ATXN1L: variants seen among roughly 807,000 people sequenced by gnomAD.
The protein encoded by ATXN1L is ataxin-1-like.
In ATXN1L, 8 loss-of-function variants were observed where a neutral mutation model predicts 43.4. The observed-to-expected ratio is 0.18, with a 90% CI of 0.11 to 0.33. ATXN1L has a LOEUF of 0.33. Ranked by LOEUF, ATXN1L falls within the 10% of genes least tolerant of loss-of-function variation. The pLI is 1.00. For synonymous variants in ATXN1L, 379 were observed against 360.6 expected, an observed-to-expected ratio of 1.05 and a Z score of -0.58; for missense variants, 856 against 885.4, an observed-to-expected ratio of 0.97 and a Z score of 0.42.
chr16:71,851,424 C>G lies in ATXN1L; in HGVS notation c.1684C>G (p.Gln562Glu), dbSNP rs1371196449. Residue 562 changes from glutamine (Q) to glutamate (E), a missense_variant, in exon 3 of 3, where the codon CAA (glutamine) becomes GAA (glutamate). Around this residue, in one of 7 missense-constraint regions of ATXN1L, gnomAD observed 185 missense variants for 176.8 expected, o/e 1.05. Coordinates refer to ENST00000427980, the MANE Select transcript of ATXN1L (RefSeq NM_001137675.4). This position sits in a 1 kb window ranked among gnomAD's most constrained non-coding sequence, Gnocchi z 4.9. Reference sequence around the variant, plus strand: ...CTCTTGCAGCCCTGGGCGGACGACACAACTCTTCTCTCTGCCCTGCCATCG... The same window carrying G: ...CTCTTGCAGCCCTGGGCGGACGACAGAACTCTTCTCTCTGCCCTGCCATCG... ...WSSCSPGRTT[Q>E]LFSLPCHRLQ... The G allele has an allele frequency of 3.2e-6, 5 of 1,551,616 alleles. No homozygotes were observed. In the South Asian group the frequency reaches 4.8e-5, roughly 15 times the overall value.
chr16:71,850,113 C>T lies in ATXN1L; in HGVS notation c.373C>T (p.Pro125Ser). Residue 125 changes from proline (P) to serine (S), a missense_variant, in exon 3 of 3, where the codon CCT becomes TCT. Pro to Ser is a moderately conservative substitution (Grantham distance 74, BLOSUM62 -1). Transcript: ENST00000427980. ...AATTCAACATCCAGGCATCCACTAT[C>T]CTCCACTCCACTATGCTCAGCTCCC... Reference protein sequence around the residue: ...SLIQHPGIHYPPLHYAQLPST... With the variant: ...SLIQHPGIHYSPLHYAQLPST... 1.1e-5 allele frequency: 17 copies of T among 1,551,750 alleles called. No individual in the cohort carries two copies. The highest frequency in any genetic ancestry group is 1.5e-5 in the Non-Finnish European group (17 of 1,147,010).
chr16:71,853,046 A>G lies in ATXN1L; in HGVS notation c.*1236A>G, dbSNP rs895905506. ...AATGCGTGGCTGGGCAGTGCCCATCATGGCATTTTCACATGTCCCATATGC... is the reference window on the plus strand; with the variant it reads ...AATGCGTGGCTGGGCAGTGCCCATCGTGGCATTTTCACATGTCCCATATGC... On this transcript the variant is annotated 3_prime_UTR_variant, in exon 3 of 3. Coordinates refer to ENST00000427980, the MANE Select transcript of ATXN1L (RefSeq NM_001137675.4). 1 of 167,158 alleles carries G rather than the reference A, an allele frequency of 6.0e-6. No individual in the cohort carries two copies. The highest frequency in any genetic ancestry group is 2.4e-5 in the African/African-American group (1 of 41,458). The allele number at this position is 167,158 out of a possible 1,614,324, so 10.4% of individuals were successfully genotyped here.
chr16:71,847,862 C>T (rs1228696261), intron 1 of ATXN1L, 148 bp from the exon 2 acceptor site: 2 of 231,792 alleles, frequency 8.6e-6, no homozygotes, highest in Admixed American at 5.6e-5. Context: ...TGCCTGGGCA[C>T]TCTGGGTAAA....
Position 71,856,781 on chromosome 16 carries a change from G to A in ATXN1L, c.*4971G>A, listed in dbSNP as rs553670179. Reference sequence around the variant, plus strand: ...CACCTTAGGCGAGGGAAGAATATACGGATAGGGAATGGGGTGGAGAAAGGA... The same window carrying A: ...CACCTTAGGCGAGGGAAGAATATACAGATAGGGAATGGGGTGGAGAAAGGA... On this transcript the variant is annotated 3_prime_UTR_variant, in exon 3 of 3. Transcript: ENST00000427980. The A allele has an allele frequency of 1.2e-5, 2 of 167,252 alleles. No individual in the cohort carries two copies. Among genetic ancestry groups the A allele is most frequent in the African/African-American group, 2.4e-5 (1 of 41,546 alleles). The allele number at this position is 167,252 out of a possible 1,614,324, so 10.4% of individuals were successfully genotyped here. A position where few individuals can be genotyped will look rare whatever the true frequency, so the allele number is the denominator to read the frequency against.
At chr16:71,847,608 C>G (rs948173380) in intron 1 of ATXN1L, among the ~76,000 whole-genome samples, 1 of 151,978 alleles carries the variant, frequency 6.6e-6, no homozygotes, top group African/African-American at 2.4e-5. Context: ...AAGGGGAAAT[C>G]CATAGAGTTG....
At position 71,850,732 on chromosome 16, in the gene ATXN1L, C is replaced by T. The variant is rs775797893; in HGVS notation, c.992C>T (p.Pro331Leu). 27 of 1,551,576 alleles carry T rather than the reference C, an allele frequency of 1.7e-5. No individual in the cohort carries two copies. Among genetic ancestry groups the T allele is most frequent in the South Asian group, 9.5e-5 (8 of 84,068 alleles). ...GCAGCACCAGCACACCGGGGGACCCCGGACACTGACCTTGAGGTCCAGCGG... is the reference window on the plus strand; with the variant it reads ...GCAGCACCAGCACACCGGGGGACCCTGGACACTGACCTTGAGGTCCAGCGG... ...EVAAPAHRGT[P>L]DTDLEVQRVV... is the part of the protein sequence containing the mutation. Residue 331 changes from proline (P) to leucine (L), a missense_variant, in exon 3 of 3, where the codon CCG (proline) becomes CTG (leucine). By Grantham distance (98) the Pro-to-Leu change is moderately conservative. Coordinates refer to ENST00000427980, the MANE Select transcript of ATXN1L (RefSeq NM_001137675.4).
intron 1 of ATXN1L, among the ~76,000 whole-genome samples, chr16:71,846,971 T>C (rs1196497661): frequency 6.6e-6 from 1 of 152,216 alleles, no homozygotes; most frequent in East Asian, 1.9e-4. Flanking sequence ...GAAAGCAAGC[T>C]GCTTTTCAGT....
At position 71,850,981 on chromosome 16, in the gene ATXN1L, T is replaced by C. The variant is rs576720943; in HGVS notation, c.1241T>C (p.Val414Ala). The C allele has an allele frequency of 2.8e-5, 44 of 1,551,666 alleles. No individual in the cohort carries two copies. The East Asian group carries it at 9.5e-4, about 34-fold the overall frequency. The change falls in exon 3 of 3, where the codon GTT becomes GCT. Residue 414 changes from valine to alanine, a missense_variant. Val to Ala is a moderately conservative substitution (Grantham distance 64). Transcript: ENST00000427980. ...CATAGACCTTTACCCAAAGCAATGGTTGTAGCCAATGGCAACCTGGTGCCC... is the reference window on the plus strand; with the variant it reads ...CATAGACCTTTACCCAAAGCAATGGCTGTAGCCAATGGCAACCTGGTGCCC... The part of the protein sequence containing the change: ...VKHRPLPKAM[V>A]VANGNLVPTG...
In ATXN1L at chr16:71,850,920, G is replaced by A; in HGVS notation, c.1180G>A (p.Gly394Arg). 1.3e-6 allele frequency: 2 copies of A among 1,551,632 alleles called. No homozygotes were observed. Among genetic ancestry groups the A allele is most frequent in the South Asian group, 1.2e-5 (1 of 84,050 alleles). ...GCTGGCAGAGAAAAGTCAGGCCCGT[G>A]GGTTCTACCCTCAGTCCCATCAGGA... ...AELAEKSQAR[G>R]FYPQSHQEPV... is the part of the protein sequence containing the mutation. The change falls in exon 3 of 3, where the codon GGG (glycine) becomes AGG (arginine). Residue 394 changes from glycine to arginine, a missense_variant. By Grantham distance (125) the Gly-to-Arg change is moderately radical. This residue lies in a region of ATXN1L where 490 missense variants were observed against 449.4 expected (regional missense o/e 1.09). Coordinates refer to ENST00000427980, the MANE Select transcript of ATXN1L (RefSeq NM_001137675.4).
rs1184983751 is a variant in ATXN1L, at chr16:71,851,265, A to G, written c.1525A>G (p.Thr509Ala). The change falls in exon 3 of 3, where the codon ACG becomes GCG. Residue 509 changes from threonine (T) to alanine (A), a missense_variant. Thr to Ala is a moderately conservative substitution (Grantham distance 58). This residue lies in a region of ATXN1L where 54 missense variants were observed against 56.6 expected (regional missense o/e 0.95). Transcript: ENST00000427980. This position sits in a 1 kb window ranked among gnomAD's most constrained non-coding sequence, Gnocchi z 4.9. ...CGGGGGGCTGAAGATTGACTCTAGC[A>G]CGGTCGTGGACATTCAGGAGAGCCA... is the stretch of plus-strand genomic sequence containing the variant. ...VSGGLKIDSS[T>A]VVDIQESQWP... 3.9e-6 allele frequency: 6 copies of G among 1,551,606 alleles called. No homozygotes were observed. Among genetic ancestry groups the G allele is most frequent in the Non-Finnish European group, 5.2e-6 (6 of 1,146,986 alleles).
At position 71,851,576 on chromosome 16, in the gene ATXN1L, C is replaced by T; in HGVS notation, c.1836C>T (p.Val612=). 2 of 1,550,952 alleles carry T rather than the reference C, an allele frequency of 1.3e-6. No homozygotes were observed. Among genetic ancestry groups the T allele is most frequent in the South Asian group, 2.4e-5 (2 of 84,010 alleles). ...CCCGAGAAAGGCCTGAGAGGACGGT[C>T]TTGGGATCCAGAGAGCTATGTGACA... The part of the protein sequence containing the change: ...GPPRERPERT[V]LGSRELCDSE... Residue 612 remains valine, a synonymous_variant, in exon 3 of 3, where the codon GTC becomes GTT. Coordinates refer to ENST00000427980, the MANE Select transcript of ATXN1L (RefSeq NM_001137675.4). The surrounding 1 kb of genome is among the most constrained non-coding windows in gnomAD (Gnocchi z 4.9).
rs897907123 is a variant in ATXN1L, at chr16:71,852,402, T to G, written c.*592T>G. 2 of 167,276 alleles carry G rather than the reference T, an allele frequency of 1.2e-5. No individual in the cohort carries two copies. Among genetic ancestry groups the G allele is most frequent in the Admixed American group, 1.3e-4 (2 of 15,282 alleles). 10.4% of individuals were successfully genotyped at this position (167,276 alleles called of 1,614,324 possible). On this transcript the variant is annotated 3_prime_UTR_variant, in exon 3 of 3. Transcript: ENST00000427980. ...AGCACTCTCATCTGCAGGACTCTGC[T>G]TGATCCTCTGCTTCATAGCCCTTCC... is the stretch of plus-strand genomic sequence containing the variant.
chr16:71,854,511 C>T lies in ATXN1L; in HGVS notation c.*2701C>T, dbSNP rs1396567579. 1 of 167,074 alleles carries T rather than the reference C, an allele frequency of 6.0e-6. No homozygotes were observed. Among genetic ancestry groups the T allele is most frequent in the Non-Finnish European group, 1.5e-5 (1 of 68,122 alleles). 10.3% of individuals were successfully genotyped at this position (167,074 alleles called of 1,614,324 possible). On this transcript the variant is annotated 3_prime_UTR_variant, in exon 3 of 3. Transcript: ENST00000427980. Reference sequence around the variant, plus strand: ...TCCCCAGGAAAAGAATCTCTGTGCTCTAAATCTCGGTCAGAGCTGTGGCCT... The same window carrying T: ...TCCCCAGGAAAAGAATCTCTGTGCTTTAAATCTCGGTCAGAGCTGTGGCCT...
intron 1 of ATXN1L, among the ~76,000 whole-genome samples, chr16:71,847,429 T>C (rs890861314): frequency 6.6e-6 from 1 of 152,042 alleles, no homozygotes; most frequent in African/African-American, 2.4e-5. Context: ...CACACACATA[T>C]GCTCATTTTT....
chr16:71,848,495 C>G (rs995518088), intron 2 of ATXN1L: 1 of 155,344 alleles, frequency 6.4e-6, no homozygotes, highest in Non-Finnish European at 1.4e-5. Context: ...TGAGAAGAAG[C>G]CTTTTGAGAC....
Position 71,850,917 on chromosome 16 carries a change from C to A in ATXN1L, c.1177C>A (p.Arg393Ser). 5.2e-6 allele frequency: 8 copies of A among 1,551,584 alleles called. No homozygotes were observed. The highest frequency in any genetic ancestry group is 7.0e-6 in the Non-Finnish European group (8 of 1,146,922). The change falls in exon 3 of 3, where the codon CGT (arginine) becomes AGT (serine). Residue 393 changes from arginine to serine, a missense_variant. By Grantham distance (110) the Arg-to-Ser change is moderately radical. This residue lies in a region of ATXN1L where 490 missense variants were observed against 449.4 expected (regional missense o/e 1.09). Coordinates refer to ENST00000427980, the MANE Select transcript of ATXN1L (RefSeq NM_001137675.4). The stretch of plus-strand genomic sequence containing the variant: ...AGAGCTGGCAGAGAAAAGTCAGGCC[C>A]GTGGGTTCTACCCTCAGTCCCATCA... ...PAELAEKSQARGFYPQSHQEP... is the reference protein window; with the variant it reads ...PAELAEKSQASGFYPQSHQEP...
Position 71,854,147 on chromosome 16 carries a change from G to A in ATXN1L, c.*2337G>A, listed in dbSNP as rs1331977858. The A allele has an allele frequency of 1.2e-5, 2 of 167,108 alleles. No individual in the cohort carries two copies. The highest frequency in any genetic ancestry group is 2.9e-5 in the Non-Finnish European group (2 of 68,138). 10.4% of individuals were successfully genotyped at this position (167,108 alleles called of 1,614,324 possible). A position where few individuals can be genotyped will look rare whatever the true frequency, so the allele number is the denominator to read the frequency against. ...GCTCATCAACTGAATTTAGTGACAT[G>A]TACACAGTAGATGCTCAAGCAGTGT... On this transcript the variant is annotated 3_prime_UTR_variant, in exon 3 of 3. Transcript: ENST00000427980.
rs1186164749 is a variant in ATXN1L, at chr16:71,857,313, A to G, written c.*5503A>G. The G allele has an allele frequency of 1.3e-5, 2 of 156,450 alleles. No homozygotes were observed. The highest frequency in any genetic ancestry group is 2.1e-4 in the South Asian group (1 of 4,830). The allele number at this position is 156,450 out of a possible 1,614,324, so 9.7% of individuals were successfully genotyped here. A position where few individuals can be genotyped will look rare whatever the true frequency, so the allele number is the denominator to read the frequency against. ...TATATATCTATATATCTATCTATAT[A>G]AACTACTAGCTTTTCCTTTTGGTGT... On this transcript the variant is annotated 3_prime_UTR_variant, in exon 3 of 3. Transcript: ENST00000427980.
Position 71,850,387 on chromosome 16 carries a change from G to A in ATXN1L, c.647G>A (p.Ser216Asn). 6.4e-7 allele frequency: 1 copy of A among 1,551,642 alleles called. No individual in the cohort carries two copies. Among genetic ancestry groups the A allele is most frequent in the Non-Finnish European group, 8.7e-7 (1 of 1,146,990 alleles). ...TCTGGGCAATTGCCACATCATTCAA[G>A]TACTCAGCCGCTGGACCTTGCTCCA... ...SPSGQLPHHSSTQPLDLAPGR... is the reference protein window; with the variant it reads ...SPSGQLPHHSNTQPLDLAPGR... Residue 216 changes from serine (S) to asparagine (N), a missense_variant, in exon 3 of 3, where the codon AGT (serine) becomes AAT (asparagine). By Grantham distance (46) the Ser-to-Asn change is conservative. Transcript: ENST00000427980.
Sources: gnomAD v4.1 joint callset for allele counts (sites outside exome capture counted in the v4.1 genomes callset) on GRCh38, gnomAD v4.1.1 for gene constraint, gnomAD v4.1.1 regional missense constraint, Gnocchi (gnomAD v3.1) non-coding constraint, MANE v1.5 for transcripts, NCBI Gene and HGNC (gene_info 2026-07-23, HGNC 2026-07-21) for gene names.